Variants in DOC2B observed in about 807,000 individuals in gnomAD.
DOC2B encodes double C2 domain beta, also known as double C2-like domain-containing protein beta.
Under a neutral mutation model 28.9 loss-of-function variants are expected in DOC2B, and 21 were observed. The observed-to-expected ratio is 0.73, with a 90% confidence interval of 0.52 to 1.05. The LOEUF (loss-of-function observed/expected upper bound fraction) is 1.05, where lower values mean the gene tolerates loss of function less well. Ranked by LOEUF, DOC2B falls within the 50% of genes least tolerant of loss-of-function variation. The pLI, the probability that DOC2B is intolerant of heterozygous loss-of-function variation, is 0.00. For synonymous variants in DOC2B, 194 were observed against 178.1 expected (o/e 1.09, Z -0.71); for missense variants, 384 against 421.1 (o/e 0.91, Z 0.77).
intron 1 of DOC2B, among the ~76,000 whole-genome samples, chr17:176,608 T>G (rs1490178690): frequency 6.6e-6 from 1 of 151,820 alleles, no homozygotes; most frequent in Non-Finnish European, 1.5e-5. Context: ...AAAAGCAGAG[T>G]TGCTCTAGGG....
chr17:159,041 T>TA (rs112706180), intron 5 of DOC2B, among the ~76,000 whole-genome samples: 96,701 of 139,634 alleles, frequency 0.69, 33,313 homozygotes, highest in East Asian at 0.82. Flanking sequence ...CTCCATCTCA[T>TA]AAAAAAAAAA....
chr17:169,691 G>A (rs1340254762), intron 2 of DOC2B, among the ~76,000 whole-genome samples: 4 of 152,008 alleles, frequency 2.6e-5, no homozygotes, highest in Non-Finnish European at 4.4e-5. Context: ...ACCCTTATAA[G>A]GGGGGACAAG....
At chr17:153,469 A>G (rs1377669958) in intron 6 of DOC2B, among the ~76,000 whole-genome samples, 5 of 152,184 alleles carry the variant, frequency 3.3e-5, no homozygotes, top group East Asian at 1.9e-4. Flanking sequence ...TTGGGAGGCC[A>G]GGGTGGGTGG....
Position 145,024 on chromosome 17 carries a change from A to G in DOC2B, c.*2417T>C, listed in dbSNP as rs2151455490. 1 of 152,212 alleles carries G rather than the reference A, an allele frequency of 6.6e-6. No individual in the cohort carries two copies. The highest frequency in any genetic ancestry group is 2.1e-4 in the South Asian group (1 of 4,820). 9.4% of individuals were successfully genotyped at this position (152,212 alleles called of 1,614,324 possible). On this transcript the variant is annotated 3_prime_UTR_variant, in exon 9 of 9. Transcript: ENST00000613549. Reference sequence around the variant, plus strand: ...ACACCAGGCCTTTTAGAAATAGACCACCTCTTACCTTAGGCCCCCAGAGGG... The same window carrying G: ...ACACCAGGCCTTTTAGAAATAGACCGCCTCTTACCTTAGGCCCCCAGAGGG...
Position 161,512 on chromosome 17 carries a change from C to A in DOC2B, c.668G>T (p.Arg223Leu). ...RISVCDEDKF[R>L]HNEFIGETRV... ...TGTCTCCCCGATGAACTCATTGTGC[C>A]GGAATTTGTCCTCGTCACACACAGA... Residue 223 changes from arginine (R) to leucine (L), a missense_variant, in exon 5 of 9, where the codon CGG (arginine) becomes CTG (leucine). Transcript: ENST00000613549. The A allele has an allele frequency of 6.4e-7, 1 of 1,551,712 alleles. No homozygotes were observed. The highest frequency in any genetic ancestry group is 2.4e-5 in the East Asian group (1 of 40,906).
At position 144,795 on chromosome 17, in the gene DOC2B, T is replaced by C. The variant is rs2040007987; in HGVS notation, c.*2646A>G. The stretch of plus-strand genomic sequence containing the variant: ...GGGGGGCTGGAGTTCTGGGTTCTTG[T>C]CCCAGCTGTGCCCCTTCAGGCCCCT... On this transcript the variant is annotated 3_prime_UTR_variant, in exon 9 of 9. Coordinates refer to ENST00000613549, the MANE Select transcript of DOC2B (RefSeq NM_003585.5). The C allele has an allele frequency of 6.6e-6, 1 of 152,184 alleles. No homozygotes were observed. Among genetic ancestry groups the C allele is most frequent in the African/African-American group, 2.4e-5 (1 of 41,402 alleles). 9.4% of individuals were successfully genotyped at this position (152,184 alleles called of 1,614,324 possible). A position where few individuals can be genotyped will look rare whatever the true frequency, so the allele number is the denominator to read the frequency against.
intron 2 of DOC2B, among the ~76,000 whole-genome samples, chr17:170,514 GCTGGGTGGGGC>G (rs1169925166): frequency 2.6e-5 from 4 of 152,084 alleles, no homozygotes. Context: ...AGGTTGGGAG[GCTGGGTGGGGC>G]CTGGGCCCAG....
intron 7 of DOC2B, among the ~76,000 whole-genome samples, chr17:148,791 G>A (rs933530950): frequency 2.0e-5 from 3 of 152,208 alleles, no homozygotes; most frequent in Non-Finnish European, 2.9e-5. Flanking sequence ...GACTTCCTGG[G>A]GCCCCAGGGT....
At chr17:164,872 C>T (rs2040244664) in intron 2 of DOC2B, among the ~76,000 whole-genome samples, 3 of 152,222 alleles carry the variant, frequency 2.0e-5, no homozygotes, top group South Asian at 2.1e-4. Flanking sequence ...TGGGATGGTG[C>T]ACAGGGATGC....
At chr17:148,533 G>T (rs2040039537) in intron 7 of DOC2B, among the ~76,000 whole-genome samples, 1 of 152,066 alleles carries the variant, frequency 6.6e-6, no homozygotes, top group Non-Finnish European at 1.5e-5. Context: ...CAGAGGCACT[G>T]CACGCCCCAC....
chr17:164,087 G>A, intron 3 of DOC2B, 43 bp downstream of exon 3: 1 of 1,454,980 alleles, frequency 6.9e-7, no homozygotes, highest in Non-Finnish European at 9.4e-7. Context: ...CTGAGGTGGT[G>A]GGCGGGTGCA....
intron 2 of DOC2B, among the ~76,000 whole-genome samples, chr17:170,282 G>C (rs1403756521): frequency 6.6e-6 from 1 of 152,190 alleles, no homozygotes; most frequent in African/African-American, 2.4e-5. Context: ...GGTGGTTCTA[G>C]AGAGGGCAGG....
intron 2 of DOC2B, among the ~76,000 whole-genome samples, chr17:166,611 C>T (rs892089719): frequency 7.9e-5 from 12 of 152,104 alleles, no homozygotes; most frequent in African/African-American, 2.2e-4. Flanking sequence ...CTGTTCTTGA[C>T]GTAGTGAATA....
At chr17:154,927 C>T (rs1032420620) in intron 6 of DOC2B, among the ~76,000 whole-genome samples, 1 of 152,136 alleles carries the variant, frequency 6.6e-6, no homozygotes, top group Non-Finnish European at 1.5e-5. Flanking sequence ...ACGGGTTTCC[C>T]CATATTGGCC....
Position 156,273 on chromosome 17 carries a change from G to A in DOC2B, c.870C>T (p.Cys290=), listed in dbSNP as rs375878419. Residue 290 remains cysteine (C), a synonymous_variant, in exon 6 of 9, where the codon TGC becomes TGT. Transcript: ENST00000613549. ...TGGCGTCCATGGCGGCCAGGTGGGC[G>A]CACCGCACGATGCCTACCAGCAGGC... ...KQGLLVGIVR[C]AHLAAMDANG... 4.3e-5 allele frequency: 67 copies of A among 1,551,556 alleles called. No individual in the cohort carries two copies. The highest frequency in any genetic ancestry group is 2.2e-4 in the East Asian group (9 of 40,926).
In DOC2B at chr17:169,456, T is replaced by G. The variant is rs552537627; in HGVS notation, c.453+3081A>C. On this transcript the variant is annotated intron_variant, in intron 2 of 8. Transcript: ENST00000613549. ...CAGCAGTGTGAAGGTAGAAGGTACT[T>G]AGCACAACTGAACTGTACGCTAAAA... 3.3e-5 allele frequency among the ~76,000 whole-genome samples: 5 copies of G among 151,920 alleles called. No homozygotes were observed. In the South Asian group the frequency reaches 1.0e-3, roughly 32 times the overall value.
At chr17:179,487 C>G (rs1303196502) in intron 1 of DOC2B, among the ~76,000 whole-genome samples, 1 of 152,228 alleles carries the variant, frequency 6.6e-6, no homozygotes, top group Non-Finnish European at 1.5e-5. Flanking sequence ...GCTCTGCCCT[C>G]CCCTCTTACT....
chr17:159,686 G>A (rs533535827), intron 5 of DOC2B, among the ~76,000 whole-genome samples: 1 of 152,274 alleles, frequency 6.6e-6, no homozygotes, highest in African/African-American at 2.4e-5. Flanking sequence ...TGCATCCCCA[G>A]CTGCACTCCT....
At chr17:177,428 G>C (rs990098649) in intron 1 of DOC2B, among the ~76,000 whole-genome samples, 1 of 152,104 alleles carries the variant, frequency 6.6e-6, no homozygotes, top group Non-Finnish European at 1.5e-5. Flanking sequence ...GCCTACACTG[G>C]GCTGAGTTTC....
Sources: gnomAD v4.1 joint callset for allele counts (sites outside exome capture counted in the v4.1 genomes callset) on GRCh38, gnomAD v4.1.1 for gene constraint, MANE v1.5 for transcripts, NCBI Gene and HGNC (gene_info 2026-07-23, HGNC 2026-07-21) for gene names.